Variants in ELP4 observed in about 807,000 individuals in gnomAD.
ELP4 encodes the protein elongator acetyltransferase complex subunit 4, also known as elongator complex protein 4.
Under a neutral mutation model 48.9 loss-of-function variants are expected in ELP4, and 51 were observed. That is an observed-to-expected ratio of 1.04 (90% CI 0.83 to 1.32). The LOEUF (loss-of-function observed/expected upper bound fraction) is 1.32, where lower values mean the gene tolerates loss of function less well. Ranked by LOEUF, ELP4 falls within the 40% of genes most tolerant of loss-of-function variation. The probability of loss-of-function intolerance (pLI) is 0.00; values close to 1 mark genes in which losing one functional copy is unlikely to be tolerated. For synonymous variants in ELP4, 210 were observed against 189.2 expected (o/e 1.11, Z -0.90); for missense variants, 519 against 514.6 (o/e 1.01, Z -0.08).
intron 1 of ELP4, chr11:31,512,356 A>G (rs1956024691): frequency 6.6e-6 from 1 of 152,188 alleles, no homozygotes; most frequent in Non-Finnish European, 1.5e-5. Flanking sequence ...TTAAACATGG[A>G]TGCAAAATAT....
At chr11:31,514,749 C>T (rs1956075738) in intron 1 of ELP4, among the ~76,000 whole-genome samples, 1 of 151,934 alleles carries the variant, frequency 6.6e-6, no homozygotes, top group South Asian at 2.1e-4. Context: ...AAATTAAAAG[C>T]CAGCCTTCAA....
rs1163171370 is a variant in ELP4, at chr11:31,747,066, T to C, written c.1144-36327T>C. Among the ~76,000 whole-genome samples the C allele has an allele frequency of 3.9e-5, 6 of 152,086 alleles. No individual in the cohort carries two copies. In the East Asian group the frequency reaches 1.2e-3, roughly 29 times the overall value. ...GTGTGTGTGTGTGTTTGTGTGTGTC[T>C]GTGTCACTGACTGTGCAAGCCCTAA... is the stretch of plus-strand genomic sequence containing the variant. On this transcript the variant is annotated intron_variant, in intron 9 of 9. Coordinates refer to ENST00000640961, the MANE Select transcript of ELP4 (RefSeq NM_019040.5).
rs553856833 is a variant in ELP4, at chr11:31,676,021, C to G, written c.1143+25800C>G. On this transcript the variant is annotated intron_variant, in intron 9 of 9. Transcript: ENST00000640961. ...AGATCATGTCATTTCACTGCTCAAA[C>G]TCTGTGTTGATTCTTCATCTCACTC... Among the ~76,000 whole-genome samples the G allele has an allele frequency of 3.9e-5, 6 of 152,204 alleles. No individual in the cohort carries two copies. The South Asian group carries it at 1.2e-3, about 32-fold the overall frequency.
intron 3 of ELP4, among the ~76,000 whole-genome samples, chr11:31,563,545 GAAT>G (rs1957056265): frequency 6.6e-6 from 1 of 152,064 alleles, no homozygotes; most frequent in Admixed American, 6.6e-5. Context: ...ATAAATACTG[GAAT>G]AATATTTTTA....
At chr11:31,771,921 G>A (rs896368819) in intron 9 of ELP4, among the ~76,000 whole-genome samples, 9 of 151,916 alleles carry the variant, frequency 5.9e-5, no homozygotes, top group African/African-American at 2.2e-4. Context: ...GGCGGAGGTT[G>A]CAGTGAGCCA....
At chr11:31,519,793 G>T (rs1956182243) in intron 1 of ELP4, among the ~76,000 whole-genome samples, 1 of 149,402 alleles carries the variant, frequency 6.7e-6, no homozygotes, top group Non-Finnish European at 1.5e-5. Context: ...TTGTGCCACT[G>T]CACTCCAGCG....
chr11:31,698,854 A>T (rs957375791), intron 9 of ELP4, among the ~76,000 whole-genome samples: 1 of 152,224 alleles, frequency 6.6e-6, no homozygotes. Context: ...AGGCTAAAAG[A>T]GATTAACATC....
chr11:31,704,119 A>G (rs1037416622), intron 9 of ELP4, among the ~76,000 whole-genome samples: 6 of 152,088 alleles, frequency 3.9e-5, no homozygotes, highest in East Asian at 1.9e-4. Context: ...TTGCAGTGCA[A>G]TTGTCTTACC....
chr11:31,576,875 A>G (rs1203639038), intron 3 of ELP4, among the ~76,000 whole-genome samples: 1 of 152,222 alleles, frequency 6.6e-6, no homozygotes, highest in Admixed American at 6.5e-5. Flanking sequence ...CATCACAATT[A>G]AAAGAACTAG....
intron 8 of ELP4, chr11:31,648,166 G>T (rs986727587): frequency 1.2e-4 from 22 of 176,892 alleles, no homozygotes; most frequent in Admixed American, 7.6e-4. Flanking sequence ...AATAAATATC[G>T]TATTAATTCT....
intron 9 of ELP4, among the ~76,000 whole-genome samples, chr11:31,684,654 A>T (rs1484228687): frequency 6.6e-6 from 1 of 152,214 alleles, no homozygotes; most frequent in African/African-American, 2.4e-5. Context: ...CCTGTGACTT[A>T]TGCCAAAAAT....
At chr11:31,543,902 T>A (rs569636339) in intron 3 of ELP4, among the ~76,000 whole-genome samples, 17 of 144,566 alleles carry the variant, frequency 1.2e-4, no homozygotes, top group African/African-American at 5.0e-4. Flanking sequence ...ATAAAGACTT[T>A]CTCAAATGCT....
intron 5 of ELP4, among the ~76,000 whole-genome samples, chr11:31,624,864 A>G (rs1282175287): frequency 6.6e-6 from 1 of 151,704 alleles, no homozygotes; most frequent in Non-Finnish European, 1.5e-5. Flanking sequence ...GTGTGGGGTC[A>G]TGATTATCAA....
At chr11:31,696,116 C>T (rs966040510) in intron 9 of ELP4, among the ~76,000 whole-genome samples, 11 of 151,928 alleles carry the variant, frequency 7.2e-5, no homozygotes. Context: ...TTCAAAAAAC[C>T]AGCTCCTGGA....
chr11:31,633,383 G>T (rs1944906411), intron 7 of ELP4: 13 of 152,054 alleles, frequency 8.5e-5, no homozygotes, highest in Admixed American at 8.5e-4. Context: ...GAGGCAAGAA[G>T]TTCAGCCAGG....
At chr11:31,650,060 A>T in intron 8 of ELP4, 55 bp from the exon 9 acceptor site, 1 of 713,108 alleles carries the variant, frequency 1.4e-6, no homozygotes, top group South Asian at 1.8e-5. Context: ...TGTTTAATTT[A>T]TGCATCTGAT....
chr11:31,781,698 C>T (rs1948381160), intron 9 of ELP4, among the ~76,000 whole-genome samples: 1 of 151,740 alleles, frequency 6.6e-6, no homozygotes, highest in African/African-American at 2.4e-5. Flanking sequence ...GGGATTTCAC[C>T]ATATTGGCCA....
At position 31,549,157 on chromosome 11, in the gene ELP4, G is replaced by A. The variant is rs1220594754; in HGVS notation, c.381+9374G>A. On this transcript the variant is annotated intron_variant, in intron 3 of 9. Coordinates refer to ENST00000640961, the MANE Select transcript of ELP4 (RefSeq NM_019040.5). ...AAATGGGATCTAATTAAACTAAAGA[G>A]CTTCTGCACAGCAAAAGAAACTACC... 2.3e-3 allele frequency among the ~76,000 whole-genome samples: 350 copies of A among 151,508 alleles called. 2 individuals are homozygous for A. In the Middle Eastern group the frequency reaches 0.024, roughly 10 times the overall value.
At chr11:31,717,371 ATTAC>A (rs1292016590) in intron 9 of ELP4, among the ~76,000 whole-genome samples, 3 of 152,206 alleles carry the variant, frequency 2.0e-5, no homozygotes, top group African/African-American at 7.2e-5. Flanking sequence ...GTCTCAAAGT[ATTAC>A]TTACCTCATT....
Sources: allele counts gnomAD v4.1 joint callset (sites outside exome capture counted in the v4.1 genomes callset), GRCh38; gene constraint gnomAD v4.1.1; transcripts MANE v1.5; gene names NCBI Gene and HGNC (gene_info 2026-07-23, HGNC 2026-07-21).